ADH5: variants seen among roughly 807,000 people sequenced by gnomAD.
ADH5 encodes the protein alcohol dehydrogenase class-3.
In ADH5, 32 loss-of-function variants were observed where a neutral mutation model predicts 40.3. The observed-to-expected ratio is 0.79, with a 90% CI of 0.60 to 1.07. The LOEUF is 1.07. Ranked by LOEUF, ADH5 falls within the 50% of genes least tolerant of loss-of-function variation. The pLI, the probability that ADH5 is intolerant of heterozygous loss-of-function variation, is 0.00. For synonymous variants in ADH5, 125 were observed against 154.3 expected, an observed-to-expected ratio of 0.81 and a Z score of 1.41; for missense variants, 353 against 460.5, an observed-to-expected ratio of 0.77 and a Z score of 2.14.
At chr4:99,084,738 A>G (rs1449964853) in intron 2 of ADH5, among the ~76,000 whole-genome samples, 1 of 152,218 alleles carries the variant, frequency 6.6e-6, no homozygotes, top group Non-Finnish European at 1.5e-5. Context: ...TGGGGTCAGA[A>G]TAAGGACCCC....
intron 7 of ADH5, among the ~76,000 whole-genome samples, chr4:99,074,199 A>G (rs1727881488): frequency 6.6e-6 from 1 of 152,162 alleles, no homozygotes; most frequent in Non-Finnish European, 1.5e-5. Flanking sequence ...TAGGAGGAGG[A>G]TGAAATATAA....
At chr4:99,085,082 C>CT in intron 2 of ADH5, 33 bp downstream of exon 2, 9 of 1,229,568 alleles carry the variant, frequency 7.3e-6, no homozygotes, top group South Asian at 3.7e-5. Context: ...CATTGTGTCT[C>CT]TTTTTTTCCC....
intron 4 of ADH5, chr4:99,080,569 C>G (rs1560754821): frequency 6.6e-6 from 1 of 152,482 alleles, no homozygotes; most frequent in Non-Finnish European, 1.5e-5. Context: ...TTACTTAAAT[C>G]AGCCACCTCT....
Position 99,076,387 on chromosome 4 carries a change from G to T in ADH5, c.730C>A (p.Gln244Lys), listed in dbSNP as rs759483832. 1.2e-5 allele frequency: 20 copies of T among 1,614,026 alleles called. No individual in the cohort carries two copies. The highest frequency in any genetic ancestry group is 1.6e-5 in the Non-Finnish European group (19 of 1,180,028). The change falls in exon 6 of 9, where the codon CAG becomes AAG. Residue 244 changes from glutamine (Q) to lysine (K), a missense_variant. By Grantham distance (53) the Gln-to-Lys change is moderately conservative. Coordinates refer to ENST00000296412, the MANE Select transcript of ADH5 (RefSeq NM_000671.4). ...TCCTGGATGGGTTTACTAAAATCCTGAGGGTTAATACATTCAGTGGCTCCA... is the reference window on the plus strand; with the variant it reads ...TCCTGGATGGGTTTACTAAAATCCTTAGGGTTAATACATTCAGTGGCTCCA... ...EFGATECINPQDFSKPIQEVL... is the reference protein window; with the variant it reads ...EFGATECINPKDFSKPIQEVL...
rs745612105 is a variant in ADH5 at position 99,081,382 on chromosome 4, G to A, written c.327C>T (p.Asn109=). Residue 109 remains asparagine (N), a synonymous_variant, in exon 4 of 9, where the codon AAC becomes AAT. Coordinates refer to ENST00000296412, the MANE Select transcript of ADH5 (RefSeq NM_000671.4). ...ECKFCLNPKT[N]LCQKIRVTQG... ...ATACTAACCTTATCTTCTGGCAAAGGTTAGTTTTAGGATTTAGACAAAATT... is the reference window on the plus strand; with the variant it reads ...ATACTAACCTTATCTTCTGGCAAAGATTAGTTTTAGGATTTAGACAAAATT... 2 of 1,599,532 alleles carry A rather than the reference G, an allele frequency of 1.3e-6. No individual in the cohort carries two copies. Among genetic ancestry groups the A allele is most frequent in the Admixed American group, 3.4e-5 (2 of 58,708 alleles).
intron 7 of ADH5, among the ~76,000 whole-genome samples, chr4:99,074,258 A>G (rs1393588348): frequency 6.6e-6 from 1 of 152,216 alleles, no homozygotes; most frequent in Admixed American, 6.5e-5. Flanking sequence ...TTCATTCACA[A>G]CTGTTGGGAA....
Position 99,074,993 on chromosome 4 carries a change from T to C in ADH5, c.882A>G (p.Val294=). Residue 294 remains valine (V), a synonymous_variant, in exon 7 of 9, where the codon GTA becomes GTG. Transcript: ENST00000296412. ...TGGCAATTTCTTCACCTGAAGCAGC[T>C]ACTCCAACCACGACGCTGACGCCCC... ...KGWGVSVVVG[V]AASGEEIATR... is the part of the protein sequence containing the mutation. 1 of 1,613,322 alleles carries C rather than the reference T, an allele frequency of 6.2e-7. No homozygotes were observed.
Position 99,072,422 on chromosome 4 carries a change from T to C in ADH5, c.1120A>G (p.Ile374Val), listed in dbSNP as rs763782519. The C allele has an allele frequency of 6.2e-7, 1 of 1,613,258 alleles. No individual in the cohort carries two copies. The highest frequency in any genetic ancestry group is 8.5e-7 in the Non-Finnish European group (1 of 1,179,458). ...CATTATTTTTCTCTTTTGAATTAAA[T>C]CTTTACAACAGTTCGAATGCTGTAA... ...SGKSIRTVVK[I>V] Residue 374 changes from isoleucine (I) to valine (V), a missense_variant, in exon 9 of 9, where the codon ATT becomes GTT. Ile to Val is a conservative substitution (Grantham distance 29). Coordinates refer to ENST00000296412, the MANE Select transcript of ADH5 (RefSeq NM_000671.4).
Position 99,072,648 on chromosome 4 carries a change from A to G in ADH5, c.1025T>C (p.Val342Ala), listed in dbSNP as rs1727856266. ...CAGATTGTGAGTCACAAATTCATCA[A>G]CTTTTATCTTTTTGGACATATATTC... ...VSEYMSKKIK[V>A]DEFVTHNLSF... Residue 342 changes from valine (V) to alanine (A), a missense_variant, in exon 8 of 9, where the codon GTT (valine) becomes GCT (alanine). Val to Ala is a moderately conservative substitution (Grantham distance 64). Coordinates refer to ENST00000296412, the MANE Select transcript of ADH5 (RefSeq NM_000671.4). 6.2e-7 allele frequency: 1 copy of G among 1,613,702 alleles called. No individual in the cohort carries two copies. Among genetic ancestry groups the G allele is most frequent in the African/African-American group, 1.3e-5 (1 of 75,024 alleles).
intron 4 of ADH5, among the ~76,000 whole-genome samples, chr4:99,079,430 G>C (rs928006963): frequency 9.8e-3 from 1 of 102 alleles, no homozygotes; most frequent in Non-Finnish European, 0.019. Flanking sequence ...AGGTCACAGT[G>C]AAAGGAAGAA....
chr4:99,087,156 G>C (rs978010952), intron 1 of ADH5, among the ~76,000 whole-genome samples: 1 of 151,792 alleles, frequency 6.6e-6, no homozygotes, highest in Non-Finnish European at 1.5e-5. Context: ...GGCCGAGATG[G>C]GCGGATCACC....
intron 4 of ADH5, among the ~76,000 whole-genome samples, chr4:99,080,201 G>A (rs966303465): frequency 5.3e-5 from 8 of 152,144 alleles, no homozygotes; most frequent in African/African-American, 1.9e-4. Flanking sequence ...TTTCTTTGCA[G>A]CAGGAGGGAG....
At chr4:99,078,591 G>A (rs979429358) in intron 4 of ADH5, among the ~76,000 whole-genome samples, 4 of 151,974 alleles carry the variant, frequency 2.6e-5, no homozygotes, top group African/African-American at 9.7e-5. Flanking sequence ...TTATAGAGAG[G>A]GGGTTTCACC....
intron 6 of ADH5, 53 bp from the exon 7 acceptor site, chr4:99,075,102 AAC>A: frequency 2.6e-6 from 3 of 1,173,030 alleles, no homozygotes; most frequent in Non-Finnish European, 3.5e-6. Flanking sequence ...TTTTCCTGAG[AAC>A]AACTGCTGGC....
intron 4 of ADH5, among the ~76,000 whole-genome samples, chr4:99,077,824 G>A (rs1647232672): frequency 6.6e-6 from 1 of 152,180 alleles, no homozygotes; most frequent in Non-Finnish European, 1.5e-5. Context: ...CTAAACAGAG[G>A]TGATGTAACA....
intron 4 of ADH5, among the ~76,000 whole-genome samples, chr4:99,079,482 G>A (rs539111956): frequency 1.3e-5 from 2 of 152,270 alleles, no homozygotes; most frequent in South Asian, 4.2e-4. Flanking sequence ...GTTCTGACTT[G>A]GAAGGGACAT....
At chr4:99,073,257 C>CA (rs1294003591) in intron 7 of ADH5, among the ~76,000 whole-genome samples, 4 of 152,236 alleles carry the variant, frequency 2.6e-5, no homozygotes, top group Non-Finnish European at 5.9e-5. Flanking sequence ...CAGCTCATTG[C>CA]AAGCTCTGCC....
Position 99,075,043 on chromosome 4 carries a change from C to G in ADH5, c.832G>C (p.Ala278Pro), listed in dbSNP as rs754853545. ...CAGCCCTTGTGACATGCCTCAAGTG[C>G]TGCTCTCTGCAGGCACAGAGATATG... ...CIGNVKVMRA[A>P]LEACHKGWGV... The change falls in exon 7 of 9, where the codon GCA (alanine) becomes CCA (proline). Residue 278 changes from alanine to proline, a missense_variant. Ala to Pro is a conservative substitution (Grantham distance 27). Coordinates refer to ENST00000296412, the MANE Select transcript of ADH5 (RefSeq NM_000671.4). 1.5e-5 allele frequency: 24 copies of G among 1,608,984 alleles called. No individual in the cohort carries two copies. The East Asian group carries it at 5.4e-4, about 36-fold the overall frequency.
chr4:99,073,364 A>G (rs201602004), intron 7 of ADH5, among the ~76,000 whole-genome samples: 1 of 152,076 alleles, frequency 6.6e-6, no homozygotes, highest in African/African-American at 2.4e-5. Context: ...ATTTTTAGTA[A>G]AGATGGGGTT....
Sources: allele counts gnomAD v4.1 joint callset (sites outside exome capture counted in the v4.1 genomes callset), GRCh38; gene constraint gnomAD v4.1.1; transcripts MANE v1.5; gene names NCBI Gene and HGNC (gene_info 2026-07-23, HGNC 2026-07-21).